Variants in ITPRID1 observed in about 807,000 individuals in gnomAD.
ITPRID1 encodes the protein protein ITPRID1.
In ITPRID1, 96 loss-of-function variants were observed where a neutral mutation model predicts 95.4. The observed-to-expected ratio is 1.01, with a 90% CI of 0.85 to 1.19. The LOEUF (loss-of-function observed/expected upper bound fraction) is 1.19, where lower values mean the gene tolerates loss of function less well. Among genes scored for constraint, ITPRID1 ranks in the 50% most tolerant of loss-of-function variants. The pLI is 0.00. For missense variants in ITPRID1, 1,339 were observed against 1,252.9 expected, an observed-to-expected ratio of 1.07 and a Z score of -1.04; for synonymous variants, 510 against 453.6, an observed-to-expected ratio of 1.12 and a Z score of -1.58.
chr7:31,628,456 T>C lies in ITPRID1; in HGVS notation c.1229-13720T>C, dbSNP rs139853719. On this transcript the variant is annotated intron_variant, in intron 10 of 14. Transcript: ENST00000615280. ...AAACACAAGCGTGATTCCTTTTTTTTTTTTCTTTTTTTTTCTTTTTTTGAG... is the reference window on the plus strand; with the variant it reads ...AAACACAAGCGTGATTCCTTTTTTTCTTTTCTTTTTTTTTCTTTTTTTGAG... Among the ~76,000 whole-genome samples, 285 of 150,200 alleles carry C rather than the reference T, an allele frequency of 1.9e-3. 3 individuals are homozygous for C. Among genetic ancestry groups the C allele is most frequent in the African/African-American group, 6.7e-3 (269 of 40,170 alleles).
chr7:31,582,651 TTCA>T (rs1260764603), intron 9 of ITPRID1, among the ~76,000 whole-genome samples: 1 of 152,164 alleles, frequency 6.6e-6, no homozygotes, highest in Non-Finnish European at 1.5e-5. Context: ...TAACTTTATT[TTCA>T]TCAATACAGA....
chr7:31,617,128 ATCAACTTGT>A (rs532565131), intron 10 of ITPRID1, among the ~76,000 whole-genome samples: 6 of 152,344 alleles, frequency 3.9e-5, no homozygotes, highest in African/African-American at 1.2e-4. Flanking sequence ...GGTATAATTT[ATCAACTTGT>A]TCAGTTTTTG....
At chr7:31,635,582 C>T (rs1789409121) in intron 10 of ITPRID1, among the ~76,000 whole-genome samples, 1 of 152,168 alleles carries the variant, frequency 6.6e-6, no homozygotes, top group South Asian at 2.1e-4. Context: ...AAGTATACCT[C>T]TTTTGGAGGA....
intron 10 of ITPRID1, among the ~76,000 whole-genome samples, chr7:31,611,542 G>C (rs1397598672): frequency 6.6e-6 from 1 of 151,494 alleles, no homozygotes; most frequent in African/African-American, 2.4e-5. Flanking sequence ...TTCTGTTTTT[G>C]TTTATCTGAG....
chr7:31,617,517 TTCATTG>T (rs1301888076), intron 10 of ITPRID1, among the ~76,000 whole-genome samples: 7 of 152,052 alleles, frequency 4.6e-5, no homozygotes, highest in Admixed American at 3.9e-4. Flanking sequence ...AGAAAACAAC[TTCATTG>T]TGAGTGGAGA....
At chr7:31,580,986 T>C (rs979019127) in intron 9 of ITPRID1, among the ~76,000 whole-genome samples, 10 of 152,204 alleles carry the variant, frequency 6.6e-5, no homozygotes, top group Admixed American at 4.6e-4. Flanking sequence ...GGAAAAAATA[T>C]TTGTTTCACT....
At chr7:31,600,516 A>G (rs528372569) in intron 10 of ITPRID1, among the ~76,000 whole-genome samples, 51 of 152,346 alleles carry the variant, frequency 3.3e-4, no homozygotes, top group Admixed American at 7.2e-4. Flanking sequence ...AAACCAAGTC[A>G]TAAAGTAAAA....
chr7:31,575,042 C>T (rs1431650940), intron 8 of ITPRID1, among the ~76,000 whole-genome samples: 1 of 152,222 alleles, frequency 6.6e-6, no homozygotes, highest in African/African-American at 2.4e-5. Context: ...ATACTCAGCT[C>T]TTACATCCTC....
chr7:31,533,924 G>A (rs1214468317), intron 1 of ITPRID1, among the ~76,000 whole-genome samples: 1 of 152,112 alleles, frequency 6.6e-6, no homozygotes, highest in African/African-American at 2.4e-5. Flanking sequence ...TTAGTCCCTG[G>A]CCTGCTACAA....
intron 10 of ITPRID1, among the ~76,000 whole-genome samples, chr7:31,626,495 T>C (rs1485402043): frequency 6.6e-6 from 1 of 152,260 alleles, no homozygotes; most frequent in Non-Finnish European, 1.5e-5. Context: ...ATTTCCTTTC[T>C]GTAGTATGCT....
intron 10 of ITPRID1, among the ~76,000 whole-genome samples, chr7:31,627,790 A>T (rs1323506089): frequency 6.6e-6 from 1 of 152,126 alleles, no homozygotes; most frequent in Non-Finnish European, 1.5e-5. Context: ...TTATGTCCCT[A>T]AAAACAAAAA....
intron 1 of ITPRID1, among the ~76,000 whole-genome samples, chr7:31,548,325 G>A (rs1784166760): frequency 6.6e-6 from 1 of 152,104 alleles, no homozygotes; most frequent in Admixed American, 6.6e-5. Flanking sequence ...TGAATGCCCT[G>A]GATGTTGATG....
rs754675270 is a variant in ITPRID1, at chr7:31,549,435, G to C, written c.-88G>C. ...CTTCTTTACTTGACAGTTCCTGACA[G>C]GATAAGGACAAGAAGCAACACACAG... On this transcript the variant is annotated 5_prime_UTR_variant, in exon 2 of 15. Transcript: ENST00000615280. The C allele has an allele frequency of 3.4e-6, 5 of 1,485,018 alleles. No homozygotes were observed. The highest frequency in any genetic ancestry group is 4.4e-6 in the Non-Finnish European group (5 of 1,125,510). The allele number at this position is 1,485,018 out of a possible 1,614,324, so 92.0% of individuals were successfully genotyped here. A position where few individuals can be genotyped will look rare whatever the true frequency, so the allele number is the denominator to read the frequency against.
chr7:31,537,407 C>G (rs531615426), intron 1 of ITPRID1, among the ~76,000 whole-genome samples: 11 of 152,178 alleles, frequency 7.2e-5, no homozygotes, highest in Middle Eastern at 3.4e-3. Flanking sequence ...AGACATGGGT[C>G]TTTTCTCTGC....
intron 10 of ITPRID1, among the ~76,000 whole-genome samples, chr7:31,583,813 G>A (rs1477698251): frequency 6.6e-6 from 1 of 152,054 alleles, no homozygotes; most frequent in Non-Finnish European, 1.5e-5. Context: ...TGTGGGGAGG[G>A]GGTACTTTTT....
At chr7:31,658,354 A>C (rs1376017417), downstream of ITPRID1, 1 of 1,521,176 alleles carries the variant, frequency 6.6e-7, no homozygotes, top group African/African-American at 1.4e-5. Context: ...AATAAAATCA[A>C]AAGACTTTCT....
intron 10 of ITPRID1, among the ~76,000 whole-genome samples, chr7:31,620,226 G>A (rs1011779006): frequency 2.0e-5 from 3 of 152,094 alleles, no homozygotes; most frequent in African/African-American, 4.8e-5. Flanking sequence ...AGACTTAAAT[G>A]TCCCTGTCTG....
At chr7:31,642,603 C>G in intron 11 of ITPRID1, 79 bp from the exon 12 acceptor site, 1 of 1,306,774 alleles carries the variant, frequency 7.7e-7, no homozygotes, top group South Asian at 1.5e-5. Flanking sequence ...AAGGCAATGA[C>G]AAGAAGAAAA....
At chr7:31,621,203 A>G (rs1787850938) in intron 10 of ITPRID1, among the ~76,000 whole-genome samples, 1 of 152,150 alleles carries the variant, frequency 6.6e-6, no homozygotes. Flanking sequence ...ATCCAGGAGA[A>G]CTTCCCCAAT....
Sources: gnomAD v4.1 joint callset for allele counts (sites outside exome capture counted in the v4.1 genomes callset) on GRCh38, gnomAD v4.1.1 for gene constraint, MANE v1.5 for transcripts, NCBI Gene and HGNC (gene_info 2026-07-23, HGNC 2026-07-21) for gene names.